Variants in ATP9B observed in about 807,000 individuals in gnomAD.
The protein encoded by ATP9B is probable phospholipid-transporting ATPase IIB.
Under a neutral mutation model 146.1 loss-of-function variants are expected in ATP9B, and 110 were observed. The ratio of observed to expected loss-of-function variants is 0.75; its 90% CI spans 0.65 to 0.88. ATP9B has a LOEUF of 0.88. ATP9B is among the 40% of genes least tolerant of loss of function. The probability of loss-of-function intolerance (pLI) is 0.00; values close to 1 mark genes in which losing one functional copy is unlikely to be tolerated. For missense variants in ATP9B, 1,499 were observed against 1,496.4 expected (o/e 1.00, Z -0.03); for synonymous variants, 604 against 569.7 (o/e 1.06, Z -0.86).
rs73971515 is a variant in ATP9B, at chr18:79,203,814, C to T, written c.955-3123C>T. On this transcript the variant is annotated intron_variant, in intron 9 of 29. Coordinates refer to ENST00000426216, the MANE Select transcript of ATP9B (RefSeq NM_198531.5). ...CAGGTAAAGGATATACCGTGTCAACCGTATCTGGGAAGTAGGAATGAGGAT... is the reference window on the plus strand; with the variant it reads ...CAGGTAAAGGATATACCGTGTCAACTGTATCTGGGAAGTAGGAATGAGGAT... Among the ~76,000 whole-genome samples the T allele has an allele frequency of 7.6e-3, 1,159 of 152,238 alleles. 14 individuals are homozygous for T. Among genetic ancestry groups the T allele is most frequent in the African/African-American group, 0.018 (750 of 41,536 alleles).
chr18:79,293,117 C>T (rs767645254), intron 13 of ATP9B, among the ~76,000 whole-genome samples: 17 of 150,678 alleles, frequency 1.1e-4, no homozygotes, highest in Non-Finnish European at 2.1e-4. Flanking sequence ...GTGTTTTCAA[C>T]AAATGGTGCT....
At chr18:79,074,034 C>T (rs1430321395) in intron 1 of ATP9B, among the ~76,000 whole-genome samples, 3 of 152,140 alleles carry the variant, frequency 2.0e-5, no homozygotes, top group African/African-American at 7.2e-5. Context: ...TTTTAGCGTG[C>T]AGCCACCCTG....
chr18:79,175,906 A>C (rs1034859257), intron 7 of ATP9B, among the ~76,000 whole-genome samples: 1 of 152,236 alleles, frequency 6.6e-6, no homozygotes, highest in Non-Finnish European at 1.5e-5. Context: ...GTATACAGTT[A>C]TATATGCATA....
intron 9 of ATP9B, among the ~76,000 whole-genome samples, chr18:79,197,249 A>C (rs1473886988): frequency 6.6e-6 from 1 of 152,174 alleles, no homozygotes; most frequent in Non-Finnish European, 1.5e-5. Flanking sequence ...ATATAAACTG[A>C]AATTGGAGAA....
At chr18:79,214,108 T>TTTC (rs2095607068) in intron 11 of ATP9B, 70 bp downstream of exon 11, 2 of 1,030,770 alleles carry the variant, frequency 1.9e-6, no homozygotes, top group Non-Finnish European at 2.8e-6. Flanking sequence ...TCTGCATAGT[T>TTTC]CTGAATAGCT....
chr18:79,258,852 G>A (rs944176543), intron 12 of ATP9B, among the ~76,000 whole-genome samples: 4 of 152,200 alleles, frequency 2.6e-5, no homozygotes, highest in African/African-American at 9.7e-5. Flanking sequence ...GAGAACCGTT[G>A]ATGTCAAAAG....
At position 79,174,129 on chromosome 18, in the gene ATP9B, G is replaced by A. The variant is rs576439444; in HGVS notation, c.779-2684G>A. ...CTTTATTTAGGAAGAATAAGAAAGAGTACATCTGCTCTATCTTTCTGGAAG... is the reference window on the plus strand; with the variant it reads ...CTTTATTTAGGAAGAATAAGAAAGAATACATCTGCTCTATCTTTCTGGAAG... On this transcript the variant is annotated intron_variant, in intron 7 of 29. Coordinates refer to ENST00000426216, the MANE Select transcript of ATP9B (RefSeq NM_198531.5). 15 of 387,634 alleles carry A rather than the reference G, an allele frequency of 3.9e-5. No homozygotes were observed. The Middle Eastern group carries it at 1.1e-3, about 29-fold the overall frequency. The allele number at this position is 387,634 out of a possible 1,614,324, so 24.0% of individuals were successfully genotyped here. A position where few individuals can be genotyped will look rare whatever the true frequency, so the allele number is the denominator to read the frequency against.
chr18:79,204,749 CTG>C (rs1447909635), intron 9 of ATP9B, among the ~76,000 whole-genome samples: 3 of 152,192 alleles, frequency 2.0e-5, no homozygotes, highest in Non-Finnish European at 4.4e-5. Flanking sequence ...TCCATCCAGG[CTG>C]TGTCTGCAGG....
At chr18:79,186,503 C>A (rs1201033011) in intron 8 of ATP9B, among the ~76,000 whole-genome samples, 4 of 151,632 alleles carry the variant, frequency 2.6e-5, no homozygotes, top group Middle Eastern at 3.2e-3. Context: ...TTTTTATTTT[C>A]ATGTATCAAA....
chr18:79,335,975 C>T (rs1274587216), intron 17 of ATP9B, among the ~76,000 whole-genome samples: 2 of 152,220 alleles, frequency 1.3e-5, no homozygotes, highest in East Asian at 3.8e-4. Flanking sequence ...CCCCAGTGTA[C>T]ACCAGGAGCC....
intron 8 of ATP9B, among the ~76,000 whole-genome samples, chr18:79,187,777 T>C (rs1279959298): frequency 2.0e-5 from 3 of 152,166 alleles, no homozygotes; most frequent in African/African-American, 7.2e-5. Context: ...CATGCATTCT[T>C]CAAGGAACTC....
intron 8 of ATP9B, among the ~76,000 whole-genome samples, chr18:79,179,096 A>G (rs1334728516): frequency 6.6e-6 from 1 of 152,222 alleles, no homozygotes; most frequent in African/African-American, 2.4e-5. Flanking sequence ...GAATTGGTTC[A>G]TTTCACGTAA....
intron 12 of ATP9B, among the ~76,000 whole-genome samples, chr18:79,262,090 C>T (rs1486542891): frequency 6.6e-6 from 1 of 152,014 alleles, no homozygotes; most frequent in Non-Finnish European, 1.5e-5. Context: ...CAGTCCTCAG[C>T]GTCTTCATCT....
chr18:79,264,728 C>A (rs1361532612), intron 12 of ATP9B, among the ~76,000 whole-genome samples: 1 of 151,356 alleles, frequency 6.6e-6, no homozygotes, highest in Non-Finnish European at 1.5e-5. Context: ...CATATTTCTG[C>A]AAACCAATTG....
intron 9 of ATP9B, among the ~76,000 whole-genome samples, chr18:79,197,797 C>T (rs531403788): frequency 2.0e-5 from 3 of 152,294 alleles, no homozygotes; most frequent in East Asian, 1.9e-4. Flanking sequence ...AGTAATTAAA[C>T]GTCTCTGCAG....
At chr18:79,208,044 G>C (rs1238056084) in intron 10 of ATP9B, among the ~76,000 whole-genome samples, 1 of 152,170 alleles carries the variant, frequency 6.6e-6, no homozygotes, top group Non-Finnish European at 1.5e-5. Context: ...AGGAGATGGA[G>C]ACCATCCTGG....
In ATP9B at chr18:79,186,537, T is replaced by G. The variant is rs1412717069; in HGVS notation, c.874-6646T>G. Among the ~76,000 whole-genome samples the G allele has an allele frequency of 2.0e-5, 3 of 152,304 alleles. No individual in the cohort carries two copies. The East Asian group carries it at 5.8e-4, about 29-fold the overall frequency. ...AAAAGTAGTTTGAGGTATGAAAGTT[T>G]CATGTTTTGAAAATTACTGTGACAG... is the stretch of plus-strand genomic sequence containing the variant. On this transcript the variant is annotated intron_variant, in intron 8 of 29. Transcript: ENST00000426216.
At chr18:79,267,112 A>G (rs929895856) in intron 12 of ATP9B, among the ~76,000 whole-genome samples, 1 of 151,988 alleles carries the variant, frequency 6.6e-6, no homozygotes, top group Non-Finnish European at 1.5e-5. Context: ...TAGTTATGGG[A>G]CTATTCAAGT....
intron 7 of ATP9B, among the ~76,000 whole-genome samples, chr18:79,166,999 C>T (rs1338106732): frequency 3.3e-5 from 5 of 152,126 alleles, no homozygotes; most frequent in Non-Finnish European, 5.9e-5. Context: ...AGGCTGTGGC[C>T]AAATCAGGCG....
Sources: allele counts gnomAD v4.1 joint callset (sites outside exome capture counted in the v4.1 genomes callset), GRCh38; gene constraint gnomAD v4.1.1; transcripts MANE v1.5; gene names NCBI Gene and HGNC (gene_info 2026-07-23, HGNC 2026-07-21).